Variants in ASIC2 observed in about 807,000 individuals in gnomAD.
ASIC2 encodes the protein acid sensing ion channel subunit 2.
In ASIC2, 25 loss-of-function variants were observed where a neutral mutation model predicts 57.3. The observed-to-expected ratio is 0.44, with a 90% CI of 0.32 to 0.61. The LOEUF is 0.61. Among genes scored for constraint, ASIC2 ranks in the 20% least tolerant of loss-of-function variants. The pLI, the probability that ASIC2 is intolerant of heterozygous loss-of-function variation, is 0.06. For missense variants in ASIC2, 641 were observed against 738.1 expected (o/e 0.87, Z 1.52); for synonymous variants, 319 against 307.5 (o/e 1.04, Z -0.39).
chr17:33,408,169 T>C (rs1792683608), intron 1 of ASIC2, among the ~76,000 whole-genome samples: 1 of 152,236 alleles, frequency 6.6e-6, no homozygotes, highest in African/African-American at 2.4e-5. Context: ...TGCACATTAA[T>C]CAATTTGGCT....
intron 1 of ASIC2, among the ~76,000 whole-genome samples, chr17:33,414,040 G>A (rs1943365316): frequency 6.6e-6 from 1 of 152,216 alleles, no homozygotes; most frequent in Non-Finnish European, 1.5e-5. Context: ...CCCTGAGCTT[G>A]CAGTAGCCCG....
intron 1 of ASIC2, among the ~76,000 whole-genome samples, chr17:33,167,502 G>C (rs754739998): frequency 1.5e-4 from 22 of 151,590 alleles, no homozygotes; most frequent in African/African-American, 5.3e-4. Flanking sequence ...CCCCCCACCC[G>C]GTTCCCTTCT....
intron 1 of ASIC2, among the ~76,000 whole-genome samples, chr17:33,361,645 C>T (rs777489648): frequency 6.6e-6 from 1 of 152,096 alleles, no homozygotes; most frequent in Non-Finnish European, 1.5e-5. Flanking sequence ...GGATGATATC[C>T]CCATTTTATA....
At chr17:33,757,602 C>G (rs1472298831) in intron 1 of ASIC2, among the ~76,000 whole-genome samples, 1 of 152,194 alleles carries the variant, frequency 6.6e-6, no homozygotes, top group Non-Finnish European at 1.5e-5. Context: ...TCAGCTGACC[C>G]CACAACAAAT....
At chr17:34,046,900 C>T (rs1908359473) in intron 1 of ASIC2, among the ~76,000 whole-genome samples, 1 of 152,192 alleles carries the variant, frequency 6.6e-6, no homozygotes, top group Non-Finnish European at 1.5e-5. Flanking sequence ...CATATACCTT[C>T]AATCCTCTCC....
At chr17:33,151,272 G>A (rs552351795) in intron 1 of ASIC2, among the ~76,000 whole-genome samples, 1 of 151,532 alleles carries the variant, frequency 6.6e-6, no homozygotes, top group African/African-American at 2.4e-5. Context: ...TACTCTGGAG[G>A]CTGAGGCAGA....
intron 1 of ASIC2, among the ~76,000 whole-genome samples, chr17:33,736,922 C>CT (rs34725875): frequency 0.047 from 7,140 of 152,196 alleles, 100 homozygotes; most frequent in South Asian, 0.096. Context: ...AATGTGGTCT[C>CT]TTTTTTTAAC....
chr17:33,674,454 A>T (rs1289302826), intron 1 of ASIC2, among the ~76,000 whole-genome samples: 1 of 152,242 alleles, frequency 6.6e-6, no homozygotes, highest in Non-Finnish European at 1.5e-5. Flanking sequence ...TTGAAGGAAT[A>T]ACTGAAATAC....
chr17:33,601,779 A>G (rs562143759), intron 1 of ASIC2, among the ~76,000 whole-genome samples: 137 of 152,324 alleles, frequency 9.0e-4, no homozygotes, highest in South Asian at 2.1e-3. Flanking sequence ...AGCCATAGCA[A>G]TGGGGCTGCC....
chr17:33,318,037 C>T (rs1221378773), intron 1 of ASIC2, among the ~76,000 whole-genome samples: 1 of 152,038 alleles, frequency 6.6e-6, no homozygotes, highest in African/African-American at 2.4e-5. Flanking sequence ...TAGGAAAGAG[C>T]TGACGGTCGC....
chr17:33,275,707 A>G (rs1413359757), intron 1 of ASIC2, among the ~76,000 whole-genome samples: 1 of 152,220 alleles, frequency 6.6e-6, no homozygotes, highest in Non-Finnish European at 1.5e-5. Context: ...TGTCTATGGA[A>G]AAGTGAAGAC....
intron 1 of ASIC2, among the ~76,000 whole-genome samples, chr17:33,892,359 T>A (rs1463152830): frequency 6.6e-6 from 1 of 151,142 alleles, no homozygotes; most frequent in East Asian, 2.0e-4. Flanking sequence ...CACTTAGAGG[T>A]CTGGGGAATA....
intron 1 of ASIC2, among the ~76,000 whole-genome samples, chr17:34,099,213 G>A (rs370628848): frequency 7.9e-5 from 8 of 101,716 alleles, no homozygotes; most frequent in African/African-American, 3.4e-4. Context: ...AGAAAGAAAG[G>A]AAAGAAAAGA....
intron 1 of ASIC2, among the ~76,000 whole-genome samples, chr17:33,652,167 C>T (rs1332311842): frequency 6.6e-6 from 1 of 152,192 alleles, no homozygotes; most frequent in Non-Finnish European, 1.5e-5. Flanking sequence ...ACAATAGGAT[C>T]AGGACCTAGG....
intron 1 of ASIC2, among the ~76,000 whole-genome samples, chr17:33,307,452 G>A (rs974762001): frequency 1.3e-5 from 2 of 152,072 alleles, no homozygotes; most frequent in African/African-American, 4.8e-5. Flanking sequence ...TGGGATTATA[G>A]GCCCTCACCA....
At chr17:33,249,352 G>A (rs553351510) in intron 1 of ASIC2, among the ~76,000 whole-genome samples, 5 of 152,322 alleles carry the variant, frequency 3.3e-5, no homozygotes, top group African/African-American at 7.2e-5. Context: ...GGGTTTGGGA[G>A]GAAAGGCTGG....
intron 1 of ASIC2, among the ~76,000 whole-genome samples, chr17:33,606,990 G>A (rs1243356491): frequency 6.6e-6 from 1 of 152,298 alleles, no homozygotes; most frequent in East Asian, 1.9e-4. Context: ...TGCAGTGTGA[G>A]AACAGCAGAG....
intron 1 of ASIC2, among the ~76,000 whole-genome samples, chr17:33,341,718 G>C (rs915121097): frequency 2.6e-5 from 4 of 152,192 alleles, no homozygotes; most frequent in African/African-American, 9.6e-5. Context: ...GTTAGAGTTT[G>C]GGCAAGCATA....
Position 33,110,022 on chromosome 17 carries a change from T to C in ASIC2, c.859+1895A>G, listed in dbSNP as rs530815368. Among the ~76,000 whole-genome samples the C allele has an allele frequency of 2.0e-5, 3 of 151,538 alleles. No individual in the cohort carries two copies. The South Asian group carries it at 6.3e-4, about 32-fold the overall frequency. ...TGTGTGAGGATGTCTGTGATGGGGG[T>C]CTGGTACTGAGAGTGCATGTGTGTG... On this transcript the variant is annotated intron_variant, in intron 2 of 9. Coordinates refer to ENST00000225823, the MANE Select transcript of ASIC2 (RefSeq NM_183377.2).
Sources: allele counts gnomAD v4.1 joint callset (sites outside exome capture counted in the v4.1 genomes callset), GRCh38; gene constraint gnomAD v4.1.1; transcripts MANE v1.5; gene names NCBI Gene and HGNC (gene_info 2026-07-23, HGNC 2026-07-21).